GDAP2: variants seen among roughly 807,000 people sequenced by gnomAD.
The protein encoded by GDAP2 is ganglioside induced differentiation associated protein 2.
GDAP2 carries 51 observed loss-of-function variants against 67.0 expected under a neutral mutation model. The ratio of observed to expected loss-of-function variants is 0.76; its 90% CI spans 0.61 to 0.96. The LOEUF is 0.96. GDAP2 is among the 40% of genes least tolerant of loss of function. The probability of loss-of-function intolerance (pLI) is 0.00; values close to 1 mark genes in which losing one functional copy is unlikely to be tolerated. For missense variants in GDAP2, 547 were observed against 588.3 expected (o/e 0.93, Z 0.73); for synonymous variants, 203 against 207.3 (o/e 0.98, Z 0.18).
At chr1:117,882,317 C>T (rs1250527270) in intron 11 of GDAP2, among the ~76,000 whole-genome samples, 1 of 152,028 alleles carries the variant, frequency 6.6e-6, no homozygotes, top group Non-Finnish European at 1.5e-5. Flanking sequence ...AATATTATAA[C>T]AGAATTTGCT....
At chr1:117,912,500 T>C (rs1392147945) in intron 4 of GDAP2, 30 bp downstream of exon 4, 4 of 1,590,470 alleles carry the variant, frequency 2.5e-6, no homozygotes, top group South Asian at 1.1e-5. Context: ...ATGTATGATA[T>C]GCTATGTCCA....
At chr1:117,889,464 C>T (rs964374983) in intron 8 of GDAP2, among the ~76,000 whole-genome samples, 19 of 152,002 alleles carry the variant, frequency 1.2e-4, no homozygotes, top group Non-Finnish European at 2.5e-4. Context: ...CCAACATCTC[C>T]CCAATCCCAC....
At position 117,916,271 on chromosome 1, in the gene GDAP2, A is replaced by C. The variant is rs946492122; in HGVS notation, c.316+2326T>G. Among the ~76,000 whole-genome samples the C allele has an allele frequency of 8.2e-4, 125 of 152,234 alleles. 10 individuals are homozygous for C. The highest frequency in any genetic ancestry group is 5.9e-5 in the Non-Finnish European group (4 of 68,040). ...ACTTAAGAATAAGGGTTGACAACTG[A>C]GAGAAAGAACAACATCAAGTGCAAA... On this transcript the variant is annotated intron_variant, in intron 3 of 13. Coordinates refer to ENST00000369443, the MANE Select transcript of GDAP2 (RefSeq NM_017686.4).
intron 6 of GDAP2, among the ~76,000 whole-genome samples, chr1:117,903,111 T>C (rs1230579488): frequency 2.6e-5 from 4 of 152,198 alleles, no homozygotes; most frequent in East Asian, 3.8e-4. Flanking sequence ...TGCATATTGA[T>C]CTTATGTCCT....
At chr1:117,928,173 A>T (rs1650527481) in intron 1 of GDAP2, among the ~76,000 whole-genome samples, 1 of 152,206 alleles carries the variant, frequency 6.6e-6, no homozygotes, top group Non-Finnish European at 1.5e-5. Flanking sequence ...CCAGGCAGAG[A>T]AGATAAAGAA....
chr1:117,891,405 G>T, intron 8 of GDAP2, among the ~76,000 whole-genome samples: 1 of 151,972 alleles, frequency 6.6e-6, no homozygotes, highest in East Asian at 1.9e-4. Context: ...AGAAGCATAT[G>T]AGACTGTGAA....
At chr1:117,873,629 T>G (rs1178028461) in intron 13 of GDAP2, among the ~76,000 whole-genome samples, 1 of 152,148 alleles carries the variant, frequency 6.6e-6, no homozygotes, top group Non-Finnish European at 1.5e-5. Flanking sequence ...CAATGACTGA[T>G]GGGGCATCTC....
chr1:117,901,124 T>C (rs1251287217), intron 6 of GDAP2, among the ~76,000 whole-genome samples: 1 of 152,186 alleles, frequency 6.6e-6, no homozygotes, highest in Non-Finnish European at 1.5e-5. Context: ...GTCTGGTTTC[T>C]TTCATTTAGC....
rs34060507 is a variant in GDAP2, at chr1:117,906,581, G to C, written c.561C>G (p.Arg187=). Residue 187 remains arginine, a splice_region_variant and synonymous_variant, in exon 6 of 14, where the codon CGC becomes CGG. Transcript: ENST00000369443. ...PLEDATHIAL[R]TVRRFLEIHG... ...GAATCTCTAGGAATCTTCTTACAGTGCCTAAGGAAAAGAATAGAAAGATTA... is the reference window on the plus strand; with the variant it reads ...GAATCTCTAGGAATCTTCTTACAGTCCCTAAGGAAAAGAATAGAAAGATTA... 4.7e-3 allele frequency: 7,012 copies of C among 1,483,778 alleles called. 231 individuals carry two copies. The African/African-American group carries it at 0.08, about 17-fold the overall frequency. 91.9% of individuals were successfully genotyped at this position (1,483,778 alleles called of 1,614,324 possible). A position where few individuals can be genotyped will look rare whatever the true frequency, so the allele number is the denominator to read the frequency against.
chr1:117,871,824 C>CTT (rs143115266), intron 13 of GDAP2, among the ~76,000 whole-genome samples: 1 of 151,992 alleles, frequency 6.6e-6, no homozygotes, highest in Non-Finnish European at 1.5e-5. Flanking sequence ...TTAATAAAAC[C>CTT]TTTTTTTAAA....
At position 117,883,538 on chromosome 1, in the gene GDAP2, A is replaced by G. The variant is rs769150093; in HGVS notation, c.1197T>C (p.Asn399=). The G allele has an allele frequency of 4.3e-6, 7 of 1,612,302 alleles. No homozygotes were observed. Among genetic ancestry groups the G allele is most frequent in the South Asian group, 3.3e-5 (3 of 91,030 alleles). The change falls in exon 11 of 14, where the codon AAT becomes AAC. Residue 399 remains asparagine (N), a synonymous_variant. Coordinates refer to ENST00000369443, the MANE Select transcript of GDAP2 (RefSeq NM_017686.4). The stretch of plus-strand genomic sequence containing the variant: ...TCTTCAGGAAGTCGGAGTCCAGGTG[A>G]TTGTATTCGCTGGTCAGGGTGTGAA... ...VYFHTLTSEY[N]HLDSDFLKKL...
intron 1 of GDAP2, among the ~76,000 whole-genome samples, chr1:117,928,065 A>C (rs1650518482): frequency 6.6e-6 from 1 of 152,154 alleles, no homozygotes. Context: ...ATAATATTTA[A>C]TAATATTAAG....
At chr1:117,906,275 A>G (rs1649654223) in intron 6 of GDAP2, among the ~76,000 whole-genome samples, 1 of 152,180 alleles carries the variant, frequency 6.6e-6, no homozygotes, top group African/African-American at 2.4e-5. Context: ...GTACGATTTC[A>G]CTTACAGCAA....
chr1:117,928,592 T>C (rs1011071925), intron 1 of GDAP2, among the ~76,000 whole-genome samples: 6 of 152,362 alleles, frequency 3.9e-5, no homozygotes, highest in Non-Finnish European at 7.3e-5. Flanking sequence ...GCTACAGCTG[T>C]CCACAGTCTC....
rs1257083261 is a variant in GDAP2, at chr1:117,870,175, G to A, written c.*394C>T. 9.2e-6 allele frequency: 2 copies of A among 217,108 alleles called. No homozygotes were observed. The highest frequency in any genetic ancestry group is 2.8e-4 in the East Asian group (2 of 7,188). 13.4% of individuals were successfully genotyped at this position (217,108 alleles called of 1,614,324 possible). A position where few individuals can be genotyped will look rare whatever the true frequency, so the allele number is the denominator to read the frequency against. On this transcript the variant is annotated 3_prime_UTR_variant, in exon 14 of 14. Transcript: ENST00000369443. ...CATCTGGTTAGCATACATTGGTTCTGTATATTTCGAGAATCACTTAAGTAC... is the reference window on the plus strand; with the variant it reads ...CATCTGGTTAGCATACATTGGTTCTATATATTTCGAGAATCACTTAAGTAC...
In GDAP2 at chr1:117,870,561, A is replaced by C. The variant is rs1221676792; in HGVS notation, c.*8T>G. 1 of 1,581,238 alleles carries C rather than the reference A, an allele frequency of 6.3e-7. No individual in the cohort carries two copies. The highest frequency in any genetic ancestry group is 1.3e-5 in the African/African-American group (1 of 74,220). ...CCTGGGAACCAAGAAGCACTGAAAG[A>C]TGGCAGGTCACAAATCTGGTGATGG... On this transcript the variant is annotated 3_prime_UTR_variant, in exon 14 of 14. Transcript: ENST00000369443.
At position 117,867,592 on chromosome 1, in the gene GDAP2, C is replaced by G. The variant is rs1225160312; in HGVS notation, c.*2977G>C. 1 of 149,272 alleles carries G rather than the reference C, an allele frequency of 6.7e-6. No individual in the cohort carries two copies. The highest frequency in any genetic ancestry group is 2.5e-5 in the African/African-American group (1 of 39,776). 9.2% of individuals were successfully genotyped at this position (149,272 alleles called of 1,614,324 possible). A position where few individuals can be genotyped will look rare whatever the true frequency, so the allele number is the denominator to read the frequency against. On this transcript the variant is annotated 3_prime_UTR_variant, in exon 14 of 14. Coordinates refer to ENST00000369443, the MANE Select transcript of GDAP2 (RefSeq NM_017686.4). Reference sequence around the variant, plus strand: ...TGGCAGGCACCTGTAGTCCCAGCTACTAGGGAGGCTGAGGCAGGAGAACCA... The same window carrying G: ...TGGCAGGCACCTGTAGTCCCAGCTAGTAGGGAGGCTGAGGCAGGAGAACCA...
At chr1:117,878,888 T>A (rs1411101599) in intron 12 of GDAP2, among the ~76,000 whole-genome samples, 2 of 152,262 alleles carry the variant, frequency 1.3e-5, no homozygotes, top group Admixed American at 1.3e-4. Context: ...CAACATACTA[T>A]ACAATAGTCC....
intron 8 of GDAP2, 121 bp downstream of exon 8, chr1:117,896,712 A>G (rs747795914): frequency 2.5e-5 from 16 of 635,994 alleles, no homozygotes; most frequent in Non-Finnish European, 3.8e-5. Flanking sequence ...TTCCTCACTG[A>G]TTGTCATGAA....
Sources: gnomAD v4.1 joint callset for allele counts (sites outside exome capture counted in the v4.1 genomes callset) on GRCh38, gnomAD v4.1.1 for gene constraint, MANE v1.5 for transcripts, NCBI Gene and HGNC (gene_info 2026-07-23, HGNC 2026-07-21) for gene names.